The following ESRRG variants were observed in gnomAD, a reference collection of about 807,000 sequenced individuals.
The protein encoded by ESRRG is estrogen-related receptor gamma.
Under a neutral mutation model 44.0 loss-of-function variants are expected in ESRRG, and 13 were observed. That is an observed-to-expected ratio of 0.30 (90% CI 0.19 to 0.47). ESRRG has a LOEUF of 0.47. Ranked by LOEUF, ESRRG falls within the 20% of genes least tolerant of loss-of-function variation. ESRRG has a pLI of 1.00. For synonymous variants in ESRRG, 215 were observed against 214.6 expected, an observed-to-expected ratio of 1.00 and a Z score of -0.02; for missense variants, 395 against 580.6, an observed-to-expected ratio of 0.68 and a Z score of 3.29.
At chr1:216,921,333 C>T (rs753416080) in intron 2 of ESRRG, among the ~76,000 whole-genome samples, 4 of 152,100 alleles carry the variant, frequency 2.6e-5, no homozygotes, top group Admixed American at 6.6e-5. Flanking sequence ...TGTGTTCCAT[C>T]GGTAAGACGA....
intron 2 of ESRRG, among the ~76,000 whole-genome samples, chr1:216,808,698 A>G (rs1387946411): frequency 6.6e-6 from 1 of 152,144 alleles, no homozygotes; most frequent in African/African-American, 2.4e-5. Flanking sequence ...TGCTGAGATT[A>G]CAGACATGAA....
chr1:216,811,353 A>G (rs892617910), intron 2 of ESRRG, among the ~76,000 whole-genome samples: 7 of 152,198 alleles, frequency 4.6e-5, no homozygotes, highest in African/African-American at 1.7e-4. Context: ...TTAGTTTGGC[A>G]TAAAGCTCAT....
chr1:217,132,677 C>T (rs1220764643), intron 1 of ESRRG, among the ~76,000 whole-genome samples: 1 of 151,958 alleles, frequency 6.6e-6, no homozygotes, highest in Admixed American at 6.6e-5. Flanking sequence ...GCACAGGTAC[C>T]CACTTCTGTC....
chr1:216,883,763 T>C (rs886942374), intron 2 of ESRRG, among the ~76,000 whole-genome samples: 1 of 152,184 alleles, frequency 6.6e-6, no homozygotes, highest in East Asian at 1.9e-4. Flanking sequence ...GTAAGAGCAG[T>C]CAGTTCCAGG....
chr1:216,615,100 C>T (rs2061236410), intron 3 of ESRRG, among the ~76,000 whole-genome samples: 1 of 152,166 alleles, frequency 6.6e-6, no homozygotes. Context: ...AGTTGATTCT[C>T]TTATGCCTCC....
At chr1:216,636,575 G>A (rs1249315585) in intron 3 of ESRRG, among the ~76,000 whole-genome samples, 1 of 152,146 alleles carries the variant, frequency 6.6e-6, no homozygotes, top group Non-Finnish European at 1.5e-5. Context: ...GACTGTTTAA[G>A]AGTTCAGCTG....
intron 2 of ESRRG, among the ~76,000 whole-genome samples, chr1:216,849,397 T>G (rs1417759815): frequency 6.6e-6 from 1 of 152,176 alleles, no homozygotes; most frequent in Admixed American, 6.6e-5. Flanking sequence ...AAGAAATACA[T>G]TATATAACAA....
chr1:216,675,467 A>T (rs1295736338), intron 2 of ESRRG, among the ~76,000 whole-genome samples: 1 of 152,230 alleles, frequency 6.6e-6, no homozygotes, highest in Non-Finnish European at 1.5e-5. Flanking sequence ...GCACTTAACA[A>T]ACATTACTTC....
intron 1 of ESRRG, among the ~76,000 whole-genome samples, chr1:217,045,395 C>G (rs527889011): frequency 6.6e-6 from 1 of 152,300 alleles, no homozygotes; most frequent in Admixed American, 6.5e-5. Context: ...ACAGTCTCCC[C>G]ACAAAATCTC....
chr1:216,538,047 T>C (rs2051531831), intron 5 of ESRRG, among the ~76,000 whole-genome samples: 1 of 152,084 alleles, frequency 6.6e-6, no homozygotes, highest in South Asian at 2.1e-4. Context: ...CAAACATATC[T>C]GAAATATTTT....
At chr1:216,869,824 AT>A (rs1287364193) in intron 2 of ESRRG, among the ~76,000 whole-genome samples, 1 of 151,888 alleles carries the variant, frequency 6.6e-6, no homozygotes, top group African/African-American at 2.4e-5. Context: ...ATTTTTTTAA[AT>A]TTTTTAAGTG....
chr1:216,541,185 T>C (rs974552020), intron 5 of ESRRG, among the ~76,000 whole-genome samples: 1 of 152,070 alleles, frequency 6.6e-6, no homozygotes. Flanking sequence ...AACCCCTTTA[T>C]CTACTTGGCA....
chr1:216,697,322 T>C (rs1373570787), intron 1 of ESRRG, among the ~76,000 whole-genome samples: 1 of 152,228 alleles, frequency 6.6e-6, no homozygotes, highest in East Asian at 1.9e-4. Flanking sequence ...CATCTGATTT[T>C]GTAATACAAA....
chr1:216,808,040 G>C (rs904798227), intron 2 of ESRRG, among the ~76,000 whole-genome samples: 3 of 152,124 alleles, frequency 2.0e-5, no homozygotes, highest in Non-Finnish European at 4.4e-5. Flanking sequence ...GAACCCTATA[G>C]TTGAGTGAAA....
At chr1:216,650,762 C>T (rs539701629) in intron 3 of ESRRG, among the ~76,000 whole-genome samples, 1 of 152,294 alleles carries the variant, frequency 6.6e-6, no homozygotes, top group South Asian at 2.1e-4. Flanking sequence ...CGCTGTACAT[C>T]AGATCCTCCT....
chr1:216,715,786 C>T (rs1031317906), intron 1 of ESRRG, among the ~76,000 whole-genome samples: 10 of 151,936 alleles, frequency 6.6e-5, no homozygotes, highest in Non-Finnish European at 1.2e-4. Context: ...GATATTTTAA[C>T]TCACATTGTG....
At chr1:216,865,572 G>C (rs1391344480) in intron 2 of ESRRG, among the ~76,000 whole-genome samples, 1 of 152,092 alleles carries the variant, frequency 6.6e-6, no homozygotes, top group Non-Finnish European at 1.5e-5. Context: ...CTTTGTTACA[G>C]TTAAAAGAGG....
intron 2 of ESRRG, among the ~76,000 whole-genome samples, chr1:216,922,161 C>A (rs998132520): frequency 6.6e-6 from 1 of 152,224 alleles, no homozygotes; most frequent in African/African-American, 2.4e-5. Flanking sequence ...AATATCTACC[C>A]TCCAGGGCAA....
intron 2 of ESRRG, among the ~76,000 whole-genome samples, chr1:216,844,855 G>A (rs1038698864): frequency 6.6e-6 from 1 of 152,012 alleles, no homozygotes; most frequent in African/African-American, 2.4e-5. Context: ...GACTGTACAA[G>A]TAGGAACTTT....
Sources: gnomAD v4.1 joint callset for allele counts (sites outside exome capture counted in the v4.1 genomes callset) on GRCh38, gnomAD v4.1.1 for gene constraint, MANE v1.5 for transcripts, NCBI Gene and HGNC (gene_info 2026-07-23, HGNC 2026-07-21) for gene names.